The following WDR73 variants were observed in gnomAD, a reference collection of about 807,000 sequenced individuals.
The protein encoded by WDR73 is WD repeat domain 73, also known as integrator complex assembly factor WDR73.
A neutral mutation model predicts 38.2 loss-of-function variants in WDR73; 30 were observed. The observed-to-expected ratio is 0.79, with a 90% CI of 0.59 to 1.06. WDR73 has a LOEUF of 1.06. Among genes scored for constraint, WDR73 ranks in the 50% least tolerant of loss-of-function variants. The pLI, the probability that WDR73 is intolerant of heterozygous loss-of-function variation, is 0.00. For synonymous variants in WDR73, 197 were observed against 176.0 expected (o/e 1.12, Z -0.94); for missense variants, 487 against 467.0 (o/e 1.04, Z -0.40).
In WDR73 at chr15:84,646,322, C is replaced by G; in HGVS notation, c.379G>C (p.Ala127Pro). ...AGACTCTCCTCTTTCTCATGCACAG[C>G]AATGGTGCTGACAGCTTTAATGACA... ...SDVIKAVSTI[A>P]VHEKEESLWP... Residue 127 changes from alanine to proline, a missense_variant, in exon 6 of 8, where the codon GCT (alanine) becomes CCT (proline). Physicochemically the swap from Ala to Pro is conservative, Grantham distance 27. Transcript: ENST00000434634. 4 of 1,613,642 alleles carry G rather than the reference C, an allele frequency of 2.5e-6. No individual in the cohort carries two copies. Among genetic ancestry groups the G allele is most frequent in the Non-Finnish European group, 3.4e-6 (4 of 1,179,682 alleles).
At chr15:84,648,238 A>T in intron 4 of WDR73, 1 of 585,134 alleles carries the variant, frequency 1.7e-6, no homozygotes, top group Non-Finnish European at 3.0e-6. Context: ...CTCCCAACTG[A>T]GCAATTATCA....
At chr15:84,647,650 C>G (rs1896504371) in intron 5 of WDR73, 2 of 510,092 alleles carry the variant, frequency 3.9e-6, no homozygotes, top group Non-Finnish European at 7.1e-6. Context: ...GTGCCTACCA[C>G]CATGCCCGGC....
In WDR73 at chr15:84,654,115, C is replaced by T. The variant is rs1896714282; in HGVS notation, c.41+119G>A. The T allele has an allele frequency of 5.8e-6, 8 of 1,379,560 alleles. No homozygotes were observed. In the South Asian group the frequency reaches 9.4e-5, roughly 16 times the overall value. The allele number at this position is 1,379,560 out of a possible 1,614,324, so 85.5% of individuals were successfully genotyped here. ...GGCGGAGTCCTCCACGGTGGCGAGC[C>T]CCGAGGCCACAGCTGGCCCACTCTG... is the stretch of plus-strand genomic sequence containing the variant. On this transcript the variant is annotated intron_variant, in intron 1 of 7. Coordinates refer to ENST00000434634, the MANE Select transcript of WDR73 (RefSeq NM_032856.5).
chr15:84,652,880 C>A (rs1342891757), intron 2 of WDR73, 78 bp from the exon 3 acceptor site: 1 of 830,324 alleles, frequency 1.2e-6, no homozygotes. Flanking sequence ...AGTAAGGATA[C>A]ATTCCTTCAC....
At chr15:84,648,006 G>A in intron 4 of WDR73, 52 bp from the exon 5 acceptor site, 2 of 1,528,680 alleles carry the variant, frequency 1.3e-6, no homozygotes, top group South Asian at 1.1e-5. Context: ...TATCCACACA[G>A]GTCCCTTCCC....
At position 84,640,880 on chromosome 15, in the gene WDR73, C is replaced by T. The variant is rs1180631559; in HGVS notation, c.*2590G>A. On this transcript the variant is annotated 3_prime_UTR_variant, in exon 8 of 8. Coordinates refer to ENST00000434634, the MANE Select transcript of WDR73 (RefSeq NM_032856.5). The stretch of plus-strand genomic sequence containing the variant: ...TGGACATTGTGATGGTTTCTACCTC[C>T]CTGGGCTGTTATGAGGATCCTGACA... 6.6e-6 allele frequency: 1 copy of T among 152,154 alleles called. No homozygotes were observed. The highest frequency in any genetic ancestry group is 1.5e-5 in the Non-Finnish European group (1 of 68,048). 9.4% of individuals were successfully genotyped at this position (152,154 alleles called of 1,614,324 possible).
In WDR73 at chr15:84,654,263, C is replaced by T. The variant is rs756636702; in HGVS notation, c.12G>A (p.Gly4=). The T allele has an allele frequency of 8.1e-6, 13 of 1,613,844 alleles. No homozygotes were observed. The highest frequency in any genetic ancestry group is 5.3e-5 in the African/African-American group (4 of 74,942). MDP[G]DDWLVESLRL... is the part of the protein sequence containing the mutation. ...GCAAGGATTCCACCAGCCAGTCGTC[C>T]CCAGGATCCATGGCAACGACCGCTT... The change falls in exon 1 of 8, where the codon GGG becomes GGA. Residue 4 remains glycine (G), a synonymous_variant. Transcript: ENST00000434634.
chr15:84,653,552 T>G, intron 2 of WDR73, 80 bp downstream of exon 2: 1 of 1,059,506 alleles, frequency 9.4e-7, no homozygotes, highest in Non-Finnish European at 1.4e-6. Context: ...AAGAGTGGGT[T>G]GGGTCCCTCT....
rs1290890704 is a variant in WDR73 at position 84,648,004 on chromosome 15, C to G, written c.288-50G>C. The G allele has an allele frequency of 2.6e-6, 4 of 1,530,458 alleles. No individual in the cohort carries two copies. In the South Asian group the frequency reaches 3.4e-5, roughly 13 times the overall value. 94.8% of individuals were successfully genotyped at this position (1,530,458 alleles called of 1,614,324 possible). On this transcript the variant is annotated intron_variant, in intron 4 of 7. Transcript: ENST00000434634. ...CCAGACCATGGGGAGCTTATCCACA[C>G]AGGTCCCTTCCCCTTTCCAGCACAC...
At chr15:84,649,279 G>C (rs1896552426) in intron 3 of WDR73, among the ~76,000 whole-genome samples, 1 of 152,186 alleles carries the variant, frequency 6.6e-6, no homozygotes. Flanking sequence ...GGGAAAAGGA[G>C]GTGGCCATAG....
At chr15:84,653,476 C>T in intron 2 of WDR73, 156 bp downstream of exon 2, 2 of 594,020 alleles carry the variant, frequency 3.4e-6, no homozygotes, top group Non-Finnish European at 6.1e-6. Context: ...GGTCAGAGAT[C>T]TTAATAAGAG....
rs146069008 is a variant in WDR73 at position 84,652,146 on chromosome 15, G to C, written c.198+568C>G. ...CTCCCAAAGTGCTGGGATTACAGGC[G>C]TAAGCCACTGCACCTGGCCTTCAAT... On this transcript the variant is annotated intron_variant, in intron 3 of 7. Coordinates refer to ENST00000434634, the MANE Select transcript of WDR73 (RefSeq NM_032856.5). Among the ~76,000 whole-genome samples the C allele has an allele frequency of 4.0e-3, 608 of 152,288 alleles. 4 individuals carry two copies. Among genetic ancestry groups the C allele is most frequent in the African/African-American group, 0.014 (578 of 41,534 alleles).
chr15:84,645,918 C>A, intron 6 of WDR73, 82 bp from the exon 7 acceptor site: 1 of 1,596,996 alleles, frequency 6.3e-7, no homozygotes. Context: ...GTCACAGGTC[C>A]CTTCCCACCA....
In WDR73 at chr15:84,648,161, A is replaced by G. The variant is rs1057319657; in HGVS notation, c.288-207T>C. On this transcript the variant is annotated intron_variant, in intron 4 of 7. Transcript: ENST00000434634. ...GACTGAGCCCAAGCTTCCATGTGTC[A>G]TGATGGTCACCTACAGAGGACACAA... 4.9e-6 allele frequency: 3 copies of G among 617,706 alleles called. No homozygotes were observed. In the African/African-American group the frequency reaches 5.5e-5, roughly 11 times the overall value. The allele number at this position is 617,706 out of a possible 1,614,324, so 38.3% of individuals were successfully genotyped here.
chr15:84,652,762 T>G lies in WDR73; in HGVS notation c.150A>C (p.Glu50Asp), dbSNP rs1350839721. The change falls in exon 3 of 8, where the codon GAA (glutamate) becomes GAC (aspartate). Residue 50 changes from glutamate to aspartate, a missense_variant. Coordinates refer to ENST00000434634, the MANE Select transcript of WDR73 (RefSeq NM_032856.5). Reference sequence around the variant, plus strand: ...TGAGAGGTAATTTCAGATGAAGAATTTCATTCTTTTTCAGGCTTTCATAGC... The same window carrying G: ...TGAGAGGTAATTTCAGATGAAGAATGTCATTCTTTTTCAGGCTTTCATAGC... Reference protein sequence around the residue: ...VAGYESLKKNEILHLKLPLRL... With the variant: ...VAGYESLKKNDILHLKLPLRL... The G allele has an allele frequency of 1.3e-6, 2 of 1,539,458 alleles. No individual in the cohort carries two copies. The highest frequency in any genetic ancestry group is 1.8e-6 in the Non-Finnish European group (2 of 1,141,418).
intron 7 of WDR73, 71 bp from the exon 8 acceptor site, chr15:84,643,794 T>A: frequency 6.9e-7 from 1 of 1,447,506 alleles, no homozygotes; most frequent in Non-Finnish European, 9.1e-7. Context: ...TCTTTCTATT[T>A]TTAATAGAGA....
At chr15:84,650,206 G>T (rs1342677223) in intron 3 of WDR73, among the ~76,000 whole-genome samples, 1 of 152,044 alleles carries the variant, frequency 6.6e-6, no homozygotes, top group Non-Finnish European at 1.5e-5. Context: ...TTTGTGAGAC[G>T]GAGTGTCATG....
chr15:84,639,339 T>A lies in WDR73; in HGVS notation c.*4131A>T, dbSNP rs964581952. ...ATAGATGAACGTGGATATATAGTTA[T>A]GCATTTGGGCCTGAATTTTTTTTTC... is the stretch of plus-strand genomic sequence containing the variant. On this transcript the variant is annotated 3_prime_UTR_variant, in exon 8 of 8. Coordinates refer to ENST00000434634, the MANE Select transcript of WDR73 (RefSeq NM_032856.5). 2.0e-5 allele frequency: 3 copies of A among 152,122 alleles called. No individual in the cohort carries two copies. The highest frequency in any genetic ancestry group is 7.2e-5 in the African/African-American group (3 of 41,420). The allele number at this position is 152,122 out of a possible 1,614,324, so 9.4% of individuals were successfully genotyped here.
intron 7 of WDR73, chr15:84,643,987 C>T (rs896145476): frequency 3.4e-5 from 12 of 356,150 alleles, no homozygotes; most frequent in Admixed American, 9.1e-5. Flanking sequence ...AGGCTAACCA[C>T]GGGCAAGTAG....
Sources: allele counts gnomAD v4.1 joint callset (sites outside exome capture counted in the v4.1 genomes callset), GRCh38; gene constraint gnomAD v4.1.1; transcripts MANE v1.5; gene names NCBI Gene and HGNC (gene_info 2026-07-23, HGNC 2026-07-21).